The following FRMPD3 variants were observed in gnomAD, a reference collection of about 807,000 sequenced individuals.
FRMPD3 encodes FERM and PDZ domain containing 3, also known as FERM and PDZ domain-containing protein 3.
Under a neutral mutation model 97.9 loss-of-function variants are expected in FRMPD3, and 42 were observed. The observed-to-expected ratio is 0.43, with a 90% confidence interval of 0.34 to 0.55. The LOEUF (loss-of-function observed/expected upper bound fraction) is 0.55. Ranked by LOEUF, FRMPD3 falls within the 20% of genes least tolerant of loss-of-function variation. FRMPD3 has a pLI of 0.03. For missense variants in FRMPD3, 1,303 were observed against 1,457.7 expected (o/e 0.89, Z 1.73); for synonymous variants, 577 against 581.1 (o/e 0.99, Z 0.10).
chrX:107,582,219 C>T (rs925489723), intron 13 of FRMPD3, among the ~76,000 whole-genome samples: 15 of 109,854 alleles, frequency 1.4e-4, no homozygotes, highest in Non-Finnish European at 1.7e-4. Context: ...AGTCTCACTC[C>T]GTCACCCAGA....
chrX:107,478,619 T>C lies in FRMPD3; in HGVS notation c.-8+28614T>C, dbSNP rs921096639. On this transcript the variant is annotated intron_variant, in intron 1 of 14. Coordinates refer to ENST00000683843, the MANE Select transcript of FRMPD3 (RefSeq NM_001388459.1). ...GGGTGTTTACTAAATGTTCGTCTCCTCGTTTTAAATCCTTTCTGAAACAAG... is the reference window on the plus strand; with the variant it reads ...GGGTGTTTACTAAATGTTCGTCTCCCCGTTTTAAATCCTTTCTGAAACAAG... 4.5e-5 allele frequency among the ~76,000 whole-genome samples: 5 copies of C among 111,770 alleles called. 1 individual carries two copies. Among genetic ancestry groups the C allele is most frequent in the Admixed American group, 3.8e-4 (4 of 10,495 alleles).
chrX:107,576,300 C>T lies in FRMPD3; in HGVS notation c.1297-15C>T. 1.7e-6 allele frequency: 2 copies of T among 1,206,671 alleles called. No homozygotes were observed. The highest frequency in any genetic ancestry group is 2.2e-6 in the Non-Finnish European group (2 of 893,346). ...CCTTCCCATGTCTTCATGTTTCTTC[C>T]CTTCTCTTCTGCAGCCTCTGGTGCT... On this transcript the variant is annotated splice_polypyrimidine_tract_variant and intron_variant, in intron 12 of 14. Transcript: ENST00000683843.
At chrX:107,499,042 A>G (rs1921842925) in intron 1 of FRMPD3, among the ~76,000 whole-genome samples, 1 of 110,507 alleles carries the variant, frequency 9.0e-6, no homozygotes, top group African/African-American at 3.3e-5. Flanking sequence ...AAGAGCACTT[A>G]TCGAGTACCT....
intron 5 of FRMPD3, among the ~76,000 whole-genome samples, chrX:107,547,625 G>A (rs755812375): frequency 9.0e-6 from 1 of 111,232 alleles, no homozygotes; most frequent in African/African-American, 3.3e-5. Flanking sequence ...CACTGCACTC[G>A]TGAAATTACC....
intron 1 of FRMPD3, among the ~76,000 whole-genome samples, chrX:107,501,461 C>T (rs988116134): frequency 1.8e-4 from 12 of 65,462 alleles, no homozygotes; most frequent in Non-Finnish European, 2.7e-5. Context: ...CTCCGCTTCC[C>T]GGGTTCACGC....
At chrX:107,500,902 A>G (rs1288623140) in intron 1 of FRMPD3, among the ~76,000 whole-genome samples, 3 of 110,697 alleles carry the variant, frequency 2.7e-5, no homozygotes, top group African/African-American at 9.9e-5. Flanking sequence ...ATAGTAAGTG[A>G]TTAATACATG....
intron 14 of FRMPD3, 47 bp from the exon 15 acceptor site, chrX:107,600,256 G>T (rs372917508): frequency 6.4e-5 from 73 of 1,147,810 alleles, no homozygotes; most frequent in Non-Finnish European, 8.0e-5. Context: ...AGCTGGAAAA[G>T]AACTTGATTT....
At chrX:107,461,253 C>G (rs1036984296) in intron 1 of FRMPD3, among the ~76,000 whole-genome samples, 4 of 111,732 alleles carry the variant, frequency 3.6e-5, no homozygotes, top group Non-Finnish European at 7.5e-5. Flanking sequence ...ATTTTAAATT[C>G]ATCACATCTA....
rs769910583 is a variant in FRMPD3, at chrX:107,601,170, G to A, written c.3131G>A (p.Ser1044Asn). Residue 1044 changes from serine to asparagine, a missense_variant, in exon 15 of 15, where the codon AGC becomes AAC. Physicochemically the swap from Ser to Asn is conservative, Grantham distance 46. Around this residue, in one of 3 missense-constraint regions of FRMPD3, gnomAD observed 764 missense variants for 820.2 expected, o/e 0.93. Coordinates refer to ENST00000683843, the MANE Select transcript of FRMPD3 (RefSeq NM_001388459.1). ...PRAPTGSRAD[S>N]LHLSQQEDSL... The stretch of plus-strand genomic sequence containing the variant: ...GCACCCACAGGCAGCCGGGCTGACA[G>A]CCTGCACCTCTCCCAACAAGAGGAC... The A allele has an allele frequency of 6.6e-6, 8 of 1,208,709 alleles. No individual in the cohort carries two copies. The Admixed American group carries it at 1.7e-4, about 26-fold the overall frequency.
intron 3 of FRMPD3, 80 bp downstream of exon 3, chrX:107,530,591 C>T (rs757628667): frequency 3.3e-5 from 23 of 701,041 alleles, no homozygotes; most frequent in East Asian, 7.1e-5. Context: ...CACTATCCCC[C>T]CCTCGCTCTG....
chrX:107,490,379 T>G (rs1016720062), intron 1 of FRMPD3, among the ~76,000 whole-genome samples: 1 of 112,279 alleles, frequency 8.9e-6, no homozygotes, highest in Non-Finnish European at 1.9e-5. Context: ...GTGAAGAAAG[T>G]CATTGGTAGC....
chrX:107,472,650 G>C (rs1323292486), intron 1 of FRMPD3, among the ~76,000 whole-genome samples: 1 of 111,796 alleles, frequency 8.9e-6, no homozygotes, highest in Non-Finnish European at 1.9e-5. Flanking sequence ...AAGGTGCATG[G>C]GCTCCCTTGG....
rs1193117091 is a variant in FRMPD3, at chrX:107,603,254, C to T, written c.5215C>T (p.Gln1739Ter). Reference protein sequence around the residue: ...QQQQQQQQQQQQQQQVAAAAG... With the variant: ...QQQQQQQQQQ Reference sequence around the variant, plus strand: ...ACAGCAGCAGCAACAACAACAGCAGCAGCAGCAGCAGCAGGTGGCAGCAGC... The same window carrying T: ...ACAGCAGCAGCAACAACAACAGCAGTAGCAGCAGCAGCAGGTGGCAGCAGC... Residue 1739 changes from glutamine (Q) to a stop codon, truncating the protein, a stop_gained, in exon 15 of 15, where the codon CAG becomes TAG. Coordinates refer to ENST00000683843, the MANE Select transcript of FRMPD3 (RefSeq NM_001388459.1). LOFTEE classifies it high-confidence loss of function. 8.8e-7 allele frequency: 1 copy of T among 1,140,991 alleles called. No individual in the cohort carries two copies. Among genetic ancestry groups the T allele is most frequent in the Non-Finnish European group, 1.2e-6 (1 of 860,116 alleles). The allele number at this position is 1,140,991 out of a possible 1,213,427, so 94.0% of individuals were successfully genotyped here.
chrX:107,482,928 C>A (rs1008597345), intron 1 of FRMPD3, among the ~76,000 whole-genome samples: 4 of 111,882 alleles, frequency 3.6e-5, no homozygotes, highest in African/African-American at 9.7e-5. Context: ...CTCAAAAAAA[C>A]TCCCTCAAAA....
intron 1 of FRMPD3, among the ~76,000 whole-genome samples, chrX:107,482,274 C>G (rs895675744): frequency 9.0e-6 from 1 of 111,539 alleles, no homozygotes; most frequent in Non-Finnish European, 1.9e-5. Context: ...CCTGCTCCCC[C>G]TCCTTCTCCT....
chrX:107,522,383 T>C, intron 1 of FRMPD3: 2 of 554,733 alleles, frequency 3.6e-6, no homozygotes, highest in Non-Finnish European at 6.5e-6. Context: ...AATTATGATG[T>C]GGGCTGAGCA....
Position 107,577,062 on chromosome X carries a change from T to C in FRMPD3, c.1441+603T>C, listed in dbSNP as rs779877212. Among the ~76,000 whole-genome samples, 4 of 106,167 alleles carry C rather than the reference T, an allele frequency of 3.8e-5. No individual in the cohort carries two copies. In the East Asian group the frequency reaches 8.9e-4, roughly 24 times the overall value. The allele number at this position is 106,167 out of a possible 115,157, so 92.2% of individuals were successfully genotyped here. On this transcript the variant is annotated intron_variant, in intron 13 of 14. Coordinates refer to ENST00000683843, the MANE Select transcript of FRMPD3 (RefSeq NM_001388459.1). ...TTCTTTCTTCAAGGCTGTGGTTTTC[T>C]GAGTAGTCATATCACACTTTGGGAG...
chrX:107,530,607 A>G (rs1327644775), intron 3 of FRMPD3, 96 bp downstream of exon 3: 3 of 628,015 alleles, frequency 4.8e-6, no homozygotes, highest in Non-Finnish European at 7.6e-6. Flanking sequence ...CTCTGAGAGC[A>G]GAATCCTTCC....
At chrX:107,564,143 C>A (rs1427874361) in intron 11 of FRMPD3, among the ~76,000 whole-genome samples, 1 of 111,780 alleles carries the variant, frequency 8.9e-6, no homozygotes, top group Non-Finnish European at 1.9e-5. Flanking sequence ...TCTGTCAAGA[C>A]CTCTTAAGGG....
Sources: allele counts gnomAD v4.1 joint callset (sites outside exome capture counted in the v4.1 genomes callset), GRCh38; gene constraint gnomAD v4.1.1; regional missense constraint gnomAD v4.1.1; transcripts MANE v1.5; gene names NCBI Gene and HGNC (gene_info 2026-07-23, HGNC 2026-07-21).